The following HCN1 variants were observed in gnomAD, a reference collection of about 807,000 sequenced individuals.
HCN1 encodes the protein hyperpolarization activated cyclic nucleotide gated potassium channel 1.
HCN1 carries 13 observed loss-of-function variants against 78.9 expected under a neutral mutation model. The ratio of observed to expected loss-of-function variants is 0.16; its 90% CI spans 0.11 to 0.26. The LOEUF (loss-of-function observed/expected upper bound fraction) is 0.26, where lower values mean the gene tolerates loss of function less well. Ranked by LOEUF, HCN1 falls within the 10% of genes least tolerant of loss-of-function variation. HCN1 has a pLI of 1.00. For synonymous variants in HCN1, 552 were observed against 455.5 expected (o/e 1.21, Z -2.70); for missense variants, 810 against 1,154.3 (o/e 0.70, Z 4.32).
At chr5:45,413,058 G>A (rs1017916771) in intron 3 of HCN1, among the ~76,000 whole-genome samples, 1 of 151,908 alleles carries the variant, frequency 6.6e-6, no homozygotes, top group Non-Finnish European at 1.5e-5. Context: ...TTCTCTAATC[G>A]ATTATGGTGA....
chr5:45,494,063 G>T (rs952336367), intron 2 of HCN1, among the ~76,000 whole-genome samples: 1 of 151,940 alleles, frequency 6.6e-6, no homozygotes. Flanking sequence ...ATAAACATAC[G>T]TGTGCATGTG....
chr5:45,319,380 G>A (rs755096241), intron 5 of HCN1, among the ~76,000 whole-genome samples: 1 of 151,908 alleles, frequency 6.6e-6, no homozygotes, highest in African/African-American at 2.4e-5. Flanking sequence ...CCATTGGTGG[G>A]TAAGTCGACA....
chr5:45,432,214 C>T (rs1740478009), intron 3 of HCN1, among the ~76,000 whole-genome samples: 2 of 152,008 alleles, frequency 1.3e-5, no homozygotes, highest in Admixed American at 6.6e-5. Context: ...GCATTGCTTT[C>T]CTGATTTGGC....
chr5:45,601,054 TTTATG>T (rs1744611721), intron 2 of HCN1, among the ~76,000 whole-genome samples: 1 of 152,096 alleles, frequency 6.6e-6, no homozygotes, highest in Admixed American at 6.6e-5. Context: ...TTTTTTCCTA[TTTATG>T]TTTTCTAGTC....
At chr5:45,623,303 C>T (rs555466804) in intron 2 of HCN1, among the ~76,000 whole-genome samples, 86 of 152,240 alleles carry the variant, frequency 5.6e-4, no homozygotes, top group African/African-American at 1.9e-3. Flanking sequence ...TGGAGAGAGA[C>T]TAATGAGTCA....
intron 2 of HCN1, among the ~76,000 whole-genome samples, chr5:45,527,565 C>T (rs374667663): frequency 1.8e-4 from 28 of 151,628 alleles, no homozygotes; most frequent in Non-Finnish European, 3.4e-4. Flanking sequence ...TTCTCTCTCT[C>T]TCTCTGTCTC....
At chr5:45,677,523 A>G (rs1739593054) in intron 1 of HCN1, among the ~76,000 whole-genome samples, 1 of 151,920 alleles carries the variant, frequency 6.6e-6, no homozygotes, top group African/African-American at 2.4e-5. Flanking sequence ...TAAATTAAAT[A>G]AATTCTAGGA....
chr5:45,482,099 T>G (rs78648069), intron 2 of HCN1, among the ~76,000 whole-genome samples: 10 of 152,308 alleles, frequency 6.6e-5, no homozygotes, highest in African/African-American at 2.4e-4. Context: ...TTACCAGTTA[T>G]CTGATAAATT....
chr5:45,367,184 G>A (rs920559142), intron 4 of HCN1, among the ~76,000 whole-genome samples: 1 of 151,692 alleles, frequency 6.6e-6, no homozygotes, highest in African/African-American at 2.4e-5. Context: ...GTTAAAAATC[G>A]AGTCTTATTT....
At chr5:45,624,546 G>A (rs1012746150) in intron 2 of HCN1, among the ~76,000 whole-genome samples, 7 of 152,140 alleles carry the variant, frequency 4.6e-5, no homozygotes, top group Non-Finnish European at 1.5e-5. Context: ...GGCTACAGGT[G>A]AAGCATTGCC....
intron 6 of HCN1, among the ~76,000 whole-genome samples, chr5:45,294,109 A>C (rs1021051989): frequency 1.3e-5 from 2 of 152,008 alleles, no homozygotes; most frequent in African/African-American, 4.8e-5. Flanking sequence ...TGCCTTCTAG[A>C]AAACCAGCAT....
chr5:45,325,511 T>C (rs1746218409), intron 5 of HCN1, among the ~76,000 whole-genome samples: 2 of 151,742 alleles, frequency 1.3e-5, no homozygotes, highest in South Asian at 2.1e-4. Context: ...ATTGATATGA[T>C]AAATTTGGAG....
intron 5 of HCN1, among the ~76,000 whole-genome samples, chr5:45,350,372 T>C (rs1016365449): frequency 5.9e-5 from 9 of 152,112 alleles, no homozygotes; most frequent in Admixed American, 1.3e-4. Context: ...ATGGGGCGTA[T>C]CTCAAAATAA....
intron 2 of HCN1, chr5:45,576,598 T>C (rs1307715105): frequency 6.6e-6 from 1 of 152,104 alleles, no homozygotes; most frequent in Non-Finnish European, 1.5e-5. Flanking sequence ...AAAGTATCAC[T>C]AGTTGAAGGC....
intron 5 of HCN1, among the ~76,000 whole-genome samples, chr5:45,350,650 T>G (rs1276556043): frequency 6.6e-6 from 1 of 151,172 alleles, no homozygotes; most frequent in Non-Finnish European, 1.5e-5. Context: ...CAAAATCTCC[T>G]TAAGCTGATA....
At chr5:45,620,786 C>T (rs1386856301) in intron 2 of HCN1, among the ~76,000 whole-genome samples, 1 of 152,088 alleles carries the variant, frequency 6.6e-6, no homozygotes, top group Non-Finnish European at 1.5e-5. Context: ...TACAAGTATC[C>T]TTGCAGTCCC....
intron 2 of HCN1, among the ~76,000 whole-genome samples, chr5:45,568,442 C>T (rs1174680333): frequency 6.6e-6 from 1 of 151,820 alleles, no homozygotes; most frequent in Admixed American, 6.6e-5. Flanking sequence ...TGAAATAGAA[C>T]TGGTCCCAGA....
chr5:45,311,109 T>G (rs1745844006), intron 5 of HCN1, among the ~76,000 whole-genome samples: 1 of 152,102 alleles, frequency 6.6e-6, no homozygotes, highest in Non-Finnish European at 1.5e-5. Flanking sequence ...ACCCCCATTA[T>G]CTCCATGTTC....
At chr5:45,511,139 C>T (rs777696049) in intron 2 of HCN1, among the ~76,000 whole-genome samples, 1 of 151,898 alleles carries the variant, frequency 6.6e-6, no homozygotes, top group African/African-American at 2.4e-5. Flanking sequence ...TCCATGAGCT[C>T]TCCATGGCCA....
Sources: allele counts gnomAD v4.1 joint callset (sites outside exome capture counted in the v4.1 genomes callset), GRCh38; gene constraint gnomAD v4.1.1; transcripts MANE v1.5; gene names NCBI Gene and HGNC (gene_info 2026-07-23, HGNC 2026-07-21).